Variants in WNK2 observed in about 807,000 individuals in gnomAD.
WNK2 encodes the protein serine/threonine-protein kinase WNK2.
In WNK2, 67 loss-of-function variants were observed where a neutral mutation model predicts 192.1. The observed-to-expected ratio is 0.35, with a 90% CI of 0.29 to 0.43. WNK2 has a LOEUF of 0.43. Among genes scored for constraint, WNK2 ranks in the 20% least tolerant of loss-of-function variants. The pLI is 1.00. For missense variants in WNK2, 2,698 were observed against 3,089.7 expected (o/e 0.87, Z 3.01); for synonymous variants, 1,439 against 1,393.9 (o/e 1.03, Z -0.72).
chr9:93,304,344 C>T (rs1260489221), intron 26 of WNK2, among the ~76,000 whole-genome samples: 2 of 152,250 alleles, frequency 1.3e-5, no homozygotes, highest in Non-Finnish European at 2.9e-5. Context: ...ATGCCAAGTC[C>T]AAGAGCCGGC....
intron 2 of WNK2, among the ~76,000 whole-genome samples, chr9:93,193,782 A>T (rs1036900627): frequency 5.3e-5 from 8 of 152,342 alleles, no homozygotes; most frequent in African/African-American, 1.4e-4. Flanking sequence ...TTGAATTCTA[A>T]GCATTTCCCA....
At chr9:93,314,261 G>A (rs77763053) in intron 28 of WNK2, among the ~76,000 whole-genome samples, 9,442 of 151,594 alleles carry the variant, frequency 0.062, 366 homozygotes, top group African/African-American at 0.1. Flanking sequence ...CAGCCTGGGC[G>A]ACAAGAGCAA....
intron 19 of WNK2, among the ~76,000 whole-genome samples, chr9:93,285,279 T>G (rs1214832153): frequency 3.3e-5 from 5 of 152,210 alleles, no homozygotes; most frequent in Non-Finnish European, 7.3e-5. Flanking sequence ...AAACAATTAC[T>G]GTTTTAAAAA....
chr9:93,316,175 C>G (rs944229031), intron 28 of WNK2: 2 of 152,254 alleles, frequency 1.3e-5, no homozygotes, highest in African/African-American at 4.8e-5. Flanking sequence ...ACACCACACT[C>G]TCTTCATGAC....
At chr9:93,244,319 G>T (rs1231846190) in intron 7 of WNK2, among the ~76,000 whole-genome samples, 1 of 152,214 alleles carries the variant, frequency 6.6e-6, no homozygotes, top group Non-Finnish European at 1.5e-5. Flanking sequence ...GCTCTGTGGG[G>T]CCTGGGCCAG....
At chr9:93,220,884 C>T (rs919240126) in intron 2 of WNK2, among the ~76,000 whole-genome samples, 17 of 152,154 alleles carry the variant, frequency 1.1e-4, no homozygotes, top group Non-Finnish European at 1.3e-4. Flanking sequence ...GGTGCCTGAC[C>T]CAGCCTGGGT....
At position 93,259,673 on chromosome 9, in the gene WNK2, G is replaced by C; in HGVS notation, c.3066+59G>C. ...AGCGTCTGGGGACCCTCAGGACCCA[G>C]AGATGCAAAGGAGGACAGAGGCAGG... On this transcript the variant is annotated intron_variant, in intron 12 of 29. Transcript: ENST00000427277. This position sits in a 1 kb window ranked among gnomAD's most constrained non-coding sequence, Gnocchi z 4.8. 7.0e-7 allele frequency: 1 copy of C among 1,436,250 alleles called. No homozygotes were observed. The highest frequency in any genetic ancestry group is 9.2e-7 in the Non-Finnish European group (1 of 1,088,274). The allele number at this position is 1,436,250 out of a possible 1,614,324, so 89.0% of individuals were successfully genotyped here.
rs558366281 is a variant in WNK2, at chr9:93,317,482, C to T, written c.6517-38C>T. The T allele has an allele frequency of 3.0e-5, 48 of 1,605,108 alleles. No individual in the cohort carries two copies. In the South Asian group the frequency reaches 5.0e-4, roughly 17 times the overall value. The stretch of plus-strand genomic sequence containing the variant: ...CTAAGGGAGGCCAGCTGATTGCAGC[C>T]ACGTGTACCTTCCTCTTCTCGTCTC... On this transcript the variant is annotated intron_variant, in intron 28 of 29. Coordinates refer to ENST00000427277, the MANE Select transcript of WNK2 (RefSeq NM_006648.4).
chr9:93,289,432 C>T lies in WNK2; in HGVS notation c.4678C>T (p.Leu1560Phe). 6.2e-7 allele frequency: 1 copy of T among 1,612,996 alleles called. No individual in the cohort carries two copies. Among genetic ancestry groups the T allele is most frequent in the South Asian group, 1.1e-5 (1 of 91,082 alleles). ...CCTGGACGAGAAGCTGCGGACTCTG[C>T]TCTACCAGGAGCACGTGCCCACCTC... ...KSLDEKLRTL[L>F]YQEHVPTSSA... is the part of the protein sequence containing the mutation. Residue 1560 changes from leucine (L) to phenylalanine (F), a missense_variant, in exon 20 of 30, where the codon CTC becomes TTC. Leu to Phe is a conservative substitution (Grantham distance 22). This residue lies in a region of WNK2 where 1,098 missense variants were observed against 1,101.0 expected (regional missense o/e 1.00). Coordinates refer to ENST00000427277, the MANE Select transcript of WNK2 (RefSeq NM_006648.4).
chr9:93,318,094 T>G, intron 29 of WNK2: 1 of 1,592,226 alleles, frequency 6.3e-7, no homozygotes, highest in Non-Finnish European at 8.6e-7. Context: ...TAGAACCTTG[T>G]CGTCACCCTG....
At chr9:93,208,720 C>A (rs1262802131) in intron 2 of WNK2, among the ~76,000 whole-genome samples, 1 of 1,116 alleles carries the variant, frequency 9.0e-4, no homozygotes, top group Admixed American at 9.6e-3. Flanking sequence ...TGTGTATGCT[C>A]TTCGTGCGTG....
At chr9:93,270,880 A>G (rs1564139417) in intron 19 of WNK2, among the ~76,000 whole-genome samples, 1 of 151,880 alleles carries the variant, frequency 6.6e-6, no homozygotes, top group Admixed American at 6.6e-5. Context: ...AACCTGTCAC[A>G]TTTTTTTTCT....
At chr9:93,295,572 A>T (rs1437945477) in intron 23 of WNK2, among the ~76,000 whole-genome samples, 2 of 151,918 alleles carry the variant, frequency 1.3e-5, no homozygotes, top group African/African-American at 4.8e-5. Context: ...GAGGAGGGGC[A>T]CTTGGGGTGA....
In WNK2 at chr9:93,268,076, A is replaced by G. The variant is rs1185520257; in HGVS notation, c.3913+11A>G. The G allele has an allele frequency of 6.2e-7, 1 of 1,607,540 alleles. No individual in the cohort carries two copies. On this transcript the variant is annotated intron_variant, in intron 18 of 29. Coordinates refer to ENST00000427277, the MANE Select transcript of WNK2 (RefSeq NM_006648.4). Reference sequence around the variant, plus strand: ...TGTATCAGCAGAACGGTGAGTCTGCAACTTCCCTCCCTGCTTTTAAGCAGG... The same window carrying G: ...TGTATCAGCAGAACGGTGAGTCTGCGACTTCCCTCCCTGCTTTTAAGCAGG...
At chr9:93,221,419 T>C (rs1249098384) in intron 2 of WNK2, among the ~76,000 whole-genome samples, 2 of 152,142 alleles carry the variant, frequency 1.3e-5, no homozygotes, top group African/African-American at 4.8e-5. Context: ...TGACAGACTC[T>C]CTCCACCCGT....
intron 16 of WNK2, among the ~76,000 whole-genome samples, chr9:93,265,347 G>A (rs4743906): frequency 6.6e-6 from 1 of 152,126 alleles, no homozygotes; most frequent in Non-Finnish European, 1.5e-5. Flanking sequence ...GCTGGGGGTG[G>A]GTGAGAGGCT....
intron 8 of WNK2, 73 bp from the exon 9 acceptor site, chr9:93,252,810 T>C (rs1186292503): frequency 1.6e-6 from 2 of 1,277,886 alleles, no homozygotes; most frequent in Non-Finnish European, 2.0e-6. Context: ...GAAGAAAATA[T>C]GCAGATGAGC....
chr9:93,234,778 G>A, intron 4 of WNK2, 30 bp from the exon 5 acceptor site: 1 of 1,602,272 alleles, frequency 6.2e-7, no homozygotes, highest in Non-Finnish European at 8.5e-7. Flanking sequence ...GTGGCCAGCT[G>A]ACAGCTGCGT....
chr9:93,194,006 A>G (rs2131055023), intron 2 of WNK2, among the ~76,000 whole-genome samples: 1 of 152,332 alleles, frequency 6.6e-6, no homozygotes, highest in East Asian at 1.9e-4. Context: ...TAAAATAGAG[A>G]CAAGATCATC....
Sources: gnomAD v4.1 joint callset for allele counts (sites outside exome capture counted in the v4.1 genomes callset) on GRCh38, gnomAD v4.1.1 for gene constraint, gnomAD v4.1.1 regional missense constraint, Gnocchi (gnomAD v3.1) non-coding constraint, MANE v1.5 for transcripts, NCBI Gene and HGNC (gene_info 2026-07-23, HGNC 2026-07-21) for gene names.